The following PITPNC1 variants were observed in gnomAD, a reference collection of about 807,000 sequenced individuals.
PITPNC1 encodes the protein cytoplasmic phosphatidylinositol transfer protein 1.
A neutral mutation model predicts 44.7 loss-of-function variants in PITPNC1; 18 were observed. The observed-to-expected ratio is 0.40, with a 90% CI of 0.28 to 0.60. PITPNC1 has a LOEUF of 0.60. Ranked by LOEUF, PITPNC1 falls within the 20% of genes least tolerant of loss-of-function variation. The pLI is 0.39. For synonymous variants in PITPNC1, 141 were observed against 149.6 expected, an observed-to-expected ratio of 0.94 and a Z score of 0.42; for missense variants, 290 against 418.4, an observed-to-expected ratio of 0.69 and a Z score of 2.68.
chr17:67,546,618 A>G (rs1468046832), intron 2 of PITPNC1, among the ~76,000 whole-genome samples: 1 of 152,186 alleles, frequency 6.6e-6, no homozygotes, highest in African/African-American at 2.4e-5. Context: ...CACTGTCCAC[A>G]TAACCCTGAT....
chr17:67,600,829 CA>C (rs1402167776), intron 5 of PITPNC1, among the ~76,000 whole-genome samples: 1 of 151,364 alleles, frequency 6.6e-6, no homozygotes, highest in Non-Finnish European at 1.5e-5. Context: ...GAGGAAATAA[CA>C]GAAAAGCAAT....
rs773797594 is a variant in PITPNC1 at position 67,522,659 on chromosome 17, C to CTTTTTTTTTTTTTTTTTTTTTTTTT, written c.49-10129_49-10128insTTTTTTTTTTTTTTTTTTTTTTTTT. On this transcript the variant is annotated intron_variant, in intron 1 of 8. Coordinates refer to ENST00000581322, the MANE Select transcript of PITPNC1 (RefSeq NM_012417.4). ...ATATCATAAAATTTACCATTTTAAT[C>CTTTTTTTTTTTTTTTTTTTTTTTTT]TTTTTTTTTTTTTTGGAAAATGAGG... Among the ~76,000 whole-genome samples, 515 of 117,176 alleles carry CTTTTTTTTTTTTTTTTTTTTTTTTT rather than the reference C, an allele frequency of 4.4e-3. 77 individuals carry two copies. The highest frequency in any genetic ancestry group is 0.016 in the African/African-American group (362 of 22,792). The allele number at this position is 117,176 out of a possible 152,430, so 76.9% of individuals were successfully genotyped here.
Position 67,378,142 on chromosome 17 carries a change from G to A in PITPNC1, c.-13G>A. 1 of 1,531,442 alleles carries A rather than the reference G, an allele frequency of 6.5e-7. No homozygotes were observed. Among genetic ancestry groups the A allele is most frequent in the Non-Finnish European group, 8.8e-7 (1 of 1,141,416 alleles). The allele number at this position is 1,531,442 out of a possible 1,614,324, so 94.9% of individuals were successfully genotyped here. ...CCCGCTTCCCGCCCCGGGGGTCCGC[G>A]GCCGGCAGGACCATGCTGCTGAAAG... On this transcript the variant is annotated 5_prime_UTR_variant, in exon 1 of 9. Transcript: ENST00000581322.
chr17:67,472,028 GT>G (rs2039544412), intron 1 of PITPNC1, among the ~76,000 whole-genome samples: 1 of 151,966 alleles, frequency 6.6e-6, no homozygotes, highest in African/African-American at 2.4e-5. Context: ...TTTGTCTGAT[GT>G]TTTCTGATCA....
At chr17:67,398,353 T>A (rs996281641) in intron 1 of PITPNC1, among the ~76,000 whole-genome samples, 1 of 152,184 alleles carries the variant, frequency 6.6e-6, no homozygotes, top group African/African-American at 2.4e-5. Context: ...TTCATCCTGC[T>A]GGTTGTGGAA....
intron 2 of PITPNC1, among the ~76,000 whole-genome samples, chr17:67,536,123 A>C (rs2040523655): frequency 6.6e-6 from 1 of 152,228 alleles, no homozygotes; most frequent in Non-Finnish European, 1.5e-5. Context: ...AAATCTTTGA[A>C]TGGATGTAGG....
Position 67,477,241 on chromosome 17 carries a change from CTTT to C in PITPNC1, c.49-55541_49-55539del, listed in dbSNP as rs3052411. Among the ~76,000 whole-genome samples the C allele has an allele frequency of 4.4e-3, 423 of 97,028 alleles. 4 individuals carry two copies. Among genetic ancestry groups the C allele is most frequent in the African/African-American group, 0.015 (342 of 22,570 alleles). The allele number at this position is 97,028 out of a possible 152,430, so 63.7% of individuals were successfully genotyped here. On this transcript the variant is annotated intron_variant, in intron 1 of 8. Coordinates refer to ENST00000581322, the MANE Select transcript of PITPNC1 (RefSeq NM_012417.4). ...CAGGTGTGTGCCAACACACCCAGCT[CTTT>C]TTTTTTTTTTTTTTTTTTTGAGATG...
In PITPNC1 at chr17:67,463,788, C is replaced by T. The variant is rs569533023; in HGVS notation, c.49-69014C>T. ...GCATGGTGGTGCACACCTGTGGTTCCGGCGGCTACTTGGGAGGCTGAGGTG... is the reference window on the plus strand; with the variant it reads ...GCATGGTGGTGCACACCTGTGGTTCTGGCGGCTACTTGGGAGGCTGAGGTG... On this transcript the variant is annotated intron_variant, in intron 1 of 8. Transcript: ENST00000581322. Among the ~76,000 whole-genome samples the T allele has an allele frequency of 4.0e-4, 61 of 151,818 alleles. No individual in the cohort carries two copies. The Middle Eastern group carries it at 0.014, about 34-fold the overall frequency.
intron 1 of PITPNC1, among the ~76,000 whole-genome samples, chr17:67,504,766 T>G (rs1373271077): frequency 6.6e-6 from 1 of 152,098 alleles, no homozygotes; most frequent in Admixed American, 6.5e-5. Flanking sequence ...TAATTTAGGT[T>G]AATTAATTAA....
intron 8 of PITPNC1, chr17:67,687,018 A>G: frequency 9.6e-7 from 1 of 1,045,760 alleles, no homozygotes; most frequent in Non-Finnish European, 1.5e-6. Context: ...TCCCCATTGA[A>G]AGTTTGCATC....
intron 6 of PITPNC1, among the ~76,000 whole-genome samples, chr17:67,650,373 C>T (rs117545724): frequency 0.024 from 3,607 of 151,002 alleles, 48 homozygotes; most frequent in Middle Eastern, 0.056. Flanking sequence ...ACCTCTCTTG[C>T]AAGTTCTCAT....
chr17:67,411,944 T>G (rs2038505090), intron 1 of PITPNC1, among the ~76,000 whole-genome samples: 1 of 151,896 alleles, frequency 6.6e-6, no homozygotes, highest in Non-Finnish European at 1.5e-5. Context: ...GGCTCCAGAG[T>G]GCAAGCTCCC....
intron 1 of PITPNC1, among the ~76,000 whole-genome samples, chr17:67,491,305 C>A (rs1442822173): frequency 6.6e-6 from 1 of 152,188 alleles, no homozygotes; most frequent in African/African-American, 2.4e-5. Context: ...GTGATGTAAC[C>A]CAGATCTGCC....
intron 7 of PITPNC1, 123 bp downstream of exon 7, chr17:67,669,786 T>G: frequency 1.4e-6 from 1 of 699,810 alleles, no homozygotes; most frequent in Non-Finnish European, 2.3e-6. Flanking sequence ...AAAAACACTT[T>G]TTGGGCCGGT....
intron 4 of PITPNC1, among the ~76,000 whole-genome samples, chr17:67,560,726 C>G (rs549071805): frequency 6.6e-6 from 1 of 152,314 alleles, no homozygotes; most frequent in South Asian, 2.1e-4. Context: ...TCCACTTGCT[C>G]TAGCTGTTCC....
chr17:67,488,198 G>A (rs1408872580), intron 1 of PITPNC1, among the ~76,000 whole-genome samples: 5 of 152,150 alleles, frequency 3.3e-5, no homozygotes, highest in Non-Finnish European at 7.3e-5. Context: ...ACAAATAAGC[G>A]GCATCACTGC....
chr17:67,415,046 A>G (rs2038567366), intron 1 of PITPNC1, among the ~76,000 whole-genome samples: 1 of 151,968 alleles, frequency 6.6e-6, no homozygotes. Flanking sequence ...GGCCTGGCTA[A>G]TTTTTGTATT....
At chr17:67,478,040 C>G (rs891765) in intron 1 of PITPNC1, among the ~76,000 whole-genome samples, 52,875 of 151,978 alleles carry the variant, frequency 0.35, 9,366 homozygotes, top group Non-Finnish European at 0.39. Context: ...GATTCTCTTA[C>G]ATTACCTCTA....
intron 7 of PITPNC1, among the ~76,000 whole-genome samples, chr17:67,670,520 G>C (rs2042494556): frequency 6.6e-6 from 1 of 152,136 alleles, no homozygotes; most frequent in African/African-American, 2.4e-5. Flanking sequence ...GGCTGAGGCA[G>C]GTGGATCACT....
Sources: allele counts gnomAD v4.1 joint callset (sites outside exome capture counted in the v4.1 genomes callset), GRCh38; gene constraint gnomAD v4.1.1; transcripts MANE v1.5; gene names NCBI Gene and HGNC (gene_info 2026-07-23, HGNC 2026-07-21).